The following STK39 variants were observed in gnomAD, a reference collection of about 807,000 sequenced individuals.
The protein encoded by STK39 is STE20/SPS1-related proline-alanine-rich protein kinase.
STK39 carries 20 observed loss-of-function variants against 77.8 expected under a neutral mutation model. The observed-to-expected ratio is 0.26, with a 90% CI of 0.18 to 0.37. STK39 has a LOEUF of 0.37. Among genes scored for constraint, STK39 ranks in the 10% least tolerant of loss-of-function variants. The pLI is 1.00. For missense variants in STK39, 479 were observed against 656.5 expected, an observed-to-expected ratio of 0.73 and a Z score of 2.95; for synonymous variants, 246 against 234.1, an observed-to-expected ratio of 1.05 and a Z score of -0.47.
At chr2:168,005,558 ATATT>A (rs1255030504) in intron 16 of STK39, among the ~76,000 whole-genome samples, 5 of 152,228 alleles carry the variant, frequency 3.3e-5, no homozygotes, top group Admixed American at 1.3e-4. Flanking sequence ...TTTATCCAAC[ATATT>A]TATTTATTAA....
intron 16 of STK39, among the ~76,000 whole-genome samples, chr2:167,984,730 G>A (rs1388891497): frequency 6.6e-6 from 1 of 152,162 alleles, no homozygotes; most frequent in East Asian, 1.9e-4. Flanking sequence ...TAACAGTTGT[G>A]TGATTTGCTG....
At chr2:168,125,197 T>C (rs1687509886) in intron 10 of STK39, among the ~76,000 whole-genome samples, 1 of 150,992 alleles carries the variant, frequency 6.6e-6, no homozygotes. Context: ...GAAAAGGATA[T>C]AATAAGAACT....
At chr2:168,048,216 CTT>C (rs1335296463) in intron 14 of STK39, among the ~76,000 whole-genome samples, 8 of 139,294 alleles carry the variant, frequency 5.7e-5, no homozygotes, top group Admixed American at 7.2e-5. Flanking sequence ...TTGGCCTATG[CTT>C]TTTTTTTTTT....
At chr2:168,087,545 C>G (rs908964529) in intron 10 of STK39, among the ~76,000 whole-genome samples, 1 of 152,244 alleles carries the variant, frequency 6.6e-6, no homozygotes, top group African/African-American at 2.4e-5. Flanking sequence ...GAAATTCCAT[C>G]TGGGGACAAC....
In STK39 at chr2:168,133,344, T is replaced by C. The variant is rs116799273; in HGVS notation, c.975-3586A>G. On this transcript the variant is annotated intron_variant, in intron 8 of 17. Coordinates refer to ENST00000355999, the MANE Select transcript of STK39 (RefSeq NM_013233.3). ...TTCATCAGTAAGTACAAAAACACAA[T>C]AAGGTAACAAAATAGAATTGGTTTA... 2.3e-3 allele frequency among the ~76,000 whole-genome samples: 346 copies of C among 152,290 alleles called. 4 individuals carry two copies. Among genetic ancestry groups the C allele is most frequent in the Middle Eastern group, 6.8e-3 (2 of 294 alleles).
chr2:168,076,526 T>C (rs1160437924), intron 10 of STK39, among the ~76,000 whole-genome samples: 1 of 152,166 alleles, frequency 6.6e-6, no homozygotes, highest in Non-Finnish European at 1.5e-5. Flanking sequence ...TCATAAAAAA[T>C]GCATGCTAGG....
chr2:167,967,694 A>T (rs1574351912), intron 16 of STK39, among the ~76,000 whole-genome samples: 1 of 152,232 alleles, frequency 6.6e-6, no homozygotes, highest in Non-Finnish European at 1.5e-5. Flanking sequence ...GAGGCAAGGC[A>T]GCGGAGCCGA....
chr2:168,135,616 C>A (rs1460292921), intron 8 of STK39, among the ~76,000 whole-genome samples: 7 of 152,188 alleles, frequency 4.6e-5, no homozygotes, highest in Non-Finnish European at 7.3e-5. Context: ...GCAGGAAATT[C>A]AATGTTTACT....
At chr2:167,985,500 G>C (rs1347476396) in intron 16 of STK39, among the ~76,000 whole-genome samples, 2 of 152,228 alleles carry the variant, frequency 1.3e-5, no homozygotes, top group East Asian at 3.9e-4. Context: ...AGATCAAGAG[G>C]AAGTTGTTCA....
intron 1 of STK39, among the ~76,000 whole-genome samples, chr2:168,203,995 G>T (rs1689678590): frequency 6.6e-6 from 1 of 152,220 alleles, no homozygotes; most frequent in African/African-American, 2.4e-5. Flanking sequence ...AAAACACAGA[G>T]GCTCCTCTAT....
chr2:168,242,560 A>AAAAAAT (rs1296747890), intron 1 of STK39, among the ~76,000 whole-genome samples: 5 of 44,866 alleles, frequency 1.1e-4, no homozygotes, highest in Non-Finnish European at 2.0e-4. Flanking sequence ...AAAAAAAAAA[A>AAAAAAT]ATATATATAT....
At chr2:168,192,721 A>G (rs1284248273) in intron 1 of STK39, among the ~76,000 whole-genome samples, 1 of 152,254 alleles carries the variant, frequency 6.6e-6, no homozygotes, top group Non-Finnish European at 1.5e-5. Flanking sequence ...ACATGTAAAC[A>G]TAATAATATA....
chr2:168,152,295 C>T (rs1004371560), intron 5 of STK39, among the ~76,000 whole-genome samples: 2 of 152,226 alleles, frequency 1.3e-5, no homozygotes, highest in Non-Finnish European at 2.9e-5. Flanking sequence ...AAAGCAGCCA[C>T]AGGACAGAGG....
chr2:168,146,888 G>C (rs191549741), intron 5 of STK39, among the ~76,000 whole-genome samples: 2 of 152,282 alleles, frequency 1.3e-5, no homozygotes, highest in African/African-American at 4.8e-5. Flanking sequence ...CGATGATTTA[G>C]TAGATATTGG....
At chr2:168,214,680 G>T (rs77497586) in intron 1 of STK39, among the ~76,000 whole-genome samples, 11,521 of 152,164 alleles carry the variant, frequency 0.076, 453 homozygotes, top group African/African-American at 0.091. Context: ...TGTTTTACAA[G>T]AATATATACA....
At chr2:168,027,772 C>T (rs758682308) in intron 14 of STK39, among the ~76,000 whole-genome samples, 16 of 152,210 alleles carry the variant, frequency 1.1e-4, no homozygotes, top group Non-Finnish European at 2.1e-4. Flanking sequence ...ACAGTTCCCG[C>T]TGGCTACCTG....
chr2:167,971,666 G>T (rs1461903699), intron 16 of STK39, among the ~76,000 whole-genome samples: 2 of 152,198 alleles, frequency 1.3e-5, no homozygotes, highest in African/African-American at 2.4e-5. Context: ...GCAATGCATG[G>T]AAGTGCATTT....
intron 5 of STK39, among the ~76,000 whole-genome samples, chr2:168,154,165 G>A (rs997691676): frequency 6.6e-6 from 1 of 152,198 alleles, no homozygotes; most frequent in Non-Finnish European, 1.5e-5. Flanking sequence ...AAGGATCGAG[G>A]AATATCAAGA....
chr2:168,048,500 C>CTG (rs1559072718), intron 14 of STK39, among the ~76,000 whole-genome samples: 3 of 137,832 alleles, frequency 2.2e-5, no homozygotes, highest in Non-Finnish European at 3.2e-5. Context: ...GTGTGAGCCA[C>CTG]CGCGCCCGGC....
Sources: allele counts gnomAD v4.1 joint callset (sites outside exome capture counted in the v4.1 genomes callset), GRCh38; gene constraint gnomAD v4.1.1; transcripts MANE v1.5; gene names NCBI Gene and HGNC (gene_info 2026-07-23, HGNC 2026-07-21).